Variants in PLD5 observed in about 807,000 individuals in gnomAD.
PLD5 encodes the protein phospholipase D family member 5.
A neutral mutation model predicts 61.1 loss-of-function variants in PLD5; 36 were observed. The ratio of observed to expected loss-of-function variants is 0.59; its 90% CI spans 0.45 to 0.78. The LOEUF (loss-of-function observed/expected upper bound fraction) is 0.78. Ranked by LOEUF, PLD5 falls within the 30% of genes least tolerant of loss-of-function variation. The pLI is 0.00. For missense variants in PLD5, 515 were observed against 644.4 expected, an observed-to-expected ratio of 0.80 and a Z score of 2.17; for synonymous variants, 243 against 242.8, an observed-to-expected ratio of 1.00 and a Z score of -0.01.
intron 3 of PLD5, among the ~76,000 whole-genome samples, chr1:242,277,751 C>T (rs1417347316): frequency 2.4e-4 from 36 of 151,176 alleles, no homozygotes; most frequent in Non-Finnish European, 4.6e-4. Context: ...GGGAGGCCGA[C>T]GCGGAAGGAT....
intron 5 of PLD5, among the ~76,000 whole-genome samples, chr1:242,161,238 C>T (rs1665800496): frequency 1.3e-5 from 2 of 152,116 alleles, no homozygotes; most frequent in South Asian, 2.1e-4. Flanking sequence ...TGGCACAAGG[C>T]AGAGGAGGAG....
chr1:242,512,869 A>C lies in PLD5; in HGVS notation c.189+11219T>G, dbSNP rs372076631. On this transcript the variant is annotated intron_variant, in intron 1 of 9. Transcript: ENST00000536534. Reference sequence around the variant, plus strand: ...GTTTCTTTCCACTGAATTCTTTTTTATTTTTTCTTTTTTTTTTTTGGAGAC... The same window carrying C: ...GTTTCTTTCCACTGAATTCTTTTTTCTTTTTTCTTTTTTTTTTTTGGAGAC... Among the ~76,000 whole-genome samples, 154 of 62,764 alleles carry C rather than the reference A, an allele frequency of 2.5e-3. 2 individuals are homozygous for C. The highest frequency in any genetic ancestry group is 8.8e-3 in the African/African-American group (145 of 16,398). The allele number at this position is 62,764 out of a possible 152,430, so 41.2% of individuals were successfully genotyped here.
intron 4 of PLD5, among the ~76,000 whole-genome samples, chr1:242,233,704 C>A (rs929201090): frequency 1.3e-5 from 2 of 152,084 alleles, no homozygotes; most frequent in Non-Finnish European, 2.9e-5. Context: ...ATAGTGCTGG[C>A]CATGTTTTTG....
intron 4 of PLD5, among the ~76,000 whole-genome samples, chr1:242,232,437 G>A (rs1187149630): frequency 1.3e-5 from 2 of 151,940 alleles, no homozygotes; most frequent in Admixed American, 1.3e-4. Flanking sequence ...ATAAGGGAGA[G>A]TATATATTTA....
At chr1:242,112,960 G>A (rs1021679364) in intron 7 of PLD5, among the ~76,000 whole-genome samples, 1 of 152,110 alleles carries the variant, frequency 6.6e-6, no homozygotes, top group Non-Finnish European at 1.5e-5. Flanking sequence ...AATTTATTCC[G>A]TGTTTGCATG....
At chr1:242,367,998 T>C (rs1291051017) in intron 1 of PLD5, among the ~76,000 whole-genome samples, 2 of 152,168 alleles carry the variant, frequency 1.3e-5, no homozygotes, top group East Asian at 3.8e-4. Context: ...AGGTAAAAAG[T>C]ACAAAGTCCT....
rs1553337308 is a variant in PLD5, at chr1:242,256,871, C to CT, written c.607+8465dup. Among the ~76,000 whole-genome samples, 1 of 150,082 alleles carries CT rather than the reference C, an allele frequency of 6.7e-6. No individual in the cohort carries two copies. The highest frequency in any genetic ancestry group is 1.5e-5 in the Non-Finnish European group (1 of 67,476). ...TATCTGCCATCTATCTTCCTATCTT[C>CT]TTTCTTTTCTCTCCCTCTTCTTTCT... On this transcript the variant is annotated intron_variant, in intron 4 of 9. Coordinates refer to ENST00000536534, the MANE Select transcript of PLD5 (RefSeq NM_001372062.1). This position sits in a 1 kb window ranked among gnomAD's most constrained non-coding sequence, Gnocchi z 5.7.
At chr1:242,300,753 GACAA>G in intron 2 of PLD5, among the ~76,000 whole-genome samples, 1 of 5,098 alleles carries the variant, frequency 2.0e-4, no homozygotes, top group Non-Finnish European at 8.2e-4. Context: ...GTTGCAGCGG[GACAA>G]GGGTTGCAGC....
At chr1:242,291,649 A>G (rs1377278654) in intron 2 of PLD5, among the ~76,000 whole-genome samples, 1 of 152,074 alleles carries the variant, frequency 6.6e-6, no homozygotes, top group Non-Finnish European at 1.5e-5. Context: ...TACTAAAAAT[A>G]CAAAAAATTA....
intron 1 of PLD5, among the ~76,000 whole-genome samples, chr1:242,429,313 C>T (rs377110818): frequency 4.5e-4 from 69 of 152,242 alleles, no homozygotes; most frequent in East Asian, 3.3e-3. Context: ...GCAAGCTTAC[C>T]GGGAATAATT....
chr1:242,202,817 C>A (rs1274404518), intron 5 of PLD5, among the ~76,000 whole-genome samples: 4 of 151,900 alleles, frequency 2.6e-5, no homozygotes, highest in Admixed American at 2.6e-4. Flanking sequence ...TGTAATTAAC[C>A]CGCAGTCAGG....
In PLD5 at chr1:242,090,098, C is replaced by T; in HGVS notation, c.1367G>A (p.Trp456Ter). 1 of 1,613,798 alleles carries T rather than the reference C, an allele frequency of 6.2e-7. No individual in the cohort carries two copies. The highest frequency in any genetic ancestry group is 8.5e-7 in the Non-Finnish European group (1 of 1,179,750). Residue 456 changes from tryptophan to a stop codon, truncating the protein, a stop_gained, in exon 10 of 10, where the codon TGG (tryptophan) becomes TAG (stop). Transcript: ENST00000536534. LOFTEE classifies it high-confidence loss of function. ...ATTCTGAGTGAAATCATTCCCTACC[C>T]AATCAAAATTTCCTGCAAACAAACA... ...DGAAYIGNFD[W>*]VGNDFTQNAG...
chr1:242,395,044 T>TATATATGAATATATGA (rs1558528266), intron 1 of PLD5, among the ~76,000 whole-genome samples: 2 of 50,420 alleles, frequency 4.0e-5, no homozygotes, highest in African/African-American at 1.0e-4. Flanking sequence ...AATGTATATG[T>TATATATGAATATATGA]ATATATGAAT....
At chr1:242,461,891 G>A (rs1667130051) in intron 1 of PLD5, among the ~76,000 whole-genome samples, 1 of 152,134 alleles carries the variant, frequency 6.6e-6, no homozygotes, top group African/African-American at 2.4e-5. Flanking sequence ...GTCAGTTCAT[G>A]TCCTTTGCCC....
chr1:242,439,416 G>C (rs1666166707), intron 1 of PLD5, among the ~76,000 whole-genome samples: 1 of 152,172 alleles, frequency 6.6e-6, no homozygotes, highest in Non-Finnish European at 1.5e-5. Context: ...GTTTTTATGG[G>C]TAGGCCTGGA....
At chr1:242,217,754 C>A (rs1302908835) in intron 5 of PLD5, among the ~76,000 whole-genome samples, 1 of 152,098 alleles carries the variant, frequency 6.6e-6, no homozygotes, top group East Asian at 1.9e-4. Flanking sequence ...GAAGTCACTG[C>A]AGATGTGATG....
At chr1:242,456,324 A>G (rs1012808125) in intron 1 of PLD5, among the ~76,000 whole-genome samples, 153 of 152,298 alleles carry the variant, frequency 1.0e-3, no homozygotes, top group African/African-American at 3.3e-3. Flanking sequence ...TTCAGATTAA[A>G]TAAAATTTAA....
At chr1:242,529,630 GC>G (rs1669510724), upstream of PLD5, among the ~76,000 whole-genome samples, 1 of 152,112 alleles carries the variant, frequency 6.6e-6, no homozygotes, top group African/African-American at 2.4e-5. Context: ...TGGGCTGAGA[GC>G]CCCCACAGTG....
chr1:242,154,305 C>T (rs1416832369), intron 5 of PLD5, among the ~76,000 whole-genome samples: 1 of 152,142 alleles, frequency 6.6e-6, no homozygotes, highest in Admixed American at 6.5e-5. Flanking sequence ...GACAATTGGA[C>T]TTCCTCTCTT....
Sources: allele counts gnomAD v4.1 joint callset (sites outside exome capture counted in the v4.1 genomes callset), GRCh38; gene constraint gnomAD v4.1.1; non-coding constraint Gnocchi (gnomAD v3.1); transcripts MANE v1.5; gene names NCBI Gene and HGNC (gene_info 2026-07-23, HGNC 2026-07-21).